Variants in ALK observed in about 807,000 individuals in gnomAD.
ALK encodes ALK tyrosine kinase receptor.
Under a neutral mutation model 163.1 loss-of-function variants are expected in ALK, and 74 were observed. The ratio of observed to expected loss-of-function variants is 0.45; its 90% confidence interval spans 0.38 to 0.55. The LOEUF is 0.55. ALK is among the 20% of genes least tolerant of loss of function. The pLI is 0.00. For synonymous variants in ALK, 960 were observed against 843.2 expected, an observed-to-expected ratio of 1.14 and a Z score of -2.40; for missense variants, 2,063 against 2,105.3, an observed-to-expected ratio of 0.98 and a Z score of 0.39.
At position 29,695,592 on chromosome 2, in the gene ALK, G is replaced by A. The variant is rs552800650; in HGVS notation, c.788-578C>T. Among the ~76,000 whole-genome samples the A allele has an allele frequency of 3.9e-5, 6 of 152,134 alleles. 1 individual carries two copies. In the South Asian group the frequency reaches 1.2e-3, roughly 32 times the overall value. On this transcript the variant is annotated intron_variant, in intron 2 of 28. Transcript: ENST00000389048. Reference sequence around the variant, plus strand: ...TGAACAGGCAACCTACAGAATGGGAGAAAAATTTTGCAATCTATCCACCTG... The same window carrying A: ...TGAACAGGCAACCTACAGAATGGGAAAAAAATTTTGCAATCTATCCACCTG...
At chr2:29,222,476 C>G (rs765255699) in intron 21 of ALK, 41 bp downstream of exon 21, 1 of 1,613,636 alleles carries the variant, frequency 6.2e-7, no homozygotes, top group South Asian at 1.1e-5. Flanking sequence ...CCTACAGAGT[C>G]CGCAAGCCAA....
At chr2:29,879,763 C>T (rs772461017) in intron 1 of ALK, among the ~76,000 whole-genome samples, 1 of 152,202 alleles carries the variant, frequency 6.6e-6, no homozygotes, top group Non-Finnish European at 1.5e-5. Context: ...CTAGGTCATT[C>T]ATCCCAAAAG....
chr2:29,728,669 T>A (rs1478706024), intron 1 of ALK, among the ~76,000 whole-genome samples: 1 of 152,068 alleles, frequency 6.6e-6, no homozygotes, highest in Non-Finnish European at 1.5e-5. Flanking sequence ...TAGAGTTAAC[T>A]AGTTAAAGGG....
intron 4 of ALK, among the ~76,000 whole-genome samples, chr2:29,488,211 A>G (rs1671823863): frequency 6.6e-6 from 1 of 152,158 alleles, no homozygotes; most frequent in Non-Finnish European, 1.5e-5. Context: ...GCATTCTTTT[A>G]GTTTCACAGC....
intron 6 of ALK, among the ~76,000 whole-genome samples, chr2:29,323,563 C>T (rs1157135653): frequency 6.6e-6 from 1 of 152,142 alleles, no homozygotes; most frequent in Non-Finnish European, 1.5e-5. Context: ...GGCCAGTGGA[C>T]AATTGATGTG....
At chr2:29,579,132 G>T (rs956709612) in intron 3 of ALK, among the ~76,000 whole-genome samples, 1 of 152,218 alleles carries the variant, frequency 6.6e-6, no homozygotes, top group Non-Finnish European at 1.5e-5. Flanking sequence ...AATCCACAGG[G>T]CACCAAGTAG....
At chr2:29,706,975 A>ATATG (rs1291124655) in intron 2 of ALK, among the ~76,000 whole-genome samples, 2 of 102,726 alleles carry the variant, frequency 1.9e-5, no homozygotes, top group African/African-American at 3.5e-5. Flanking sequence ...CTCATGCAGA[A>ATATG]TGTGTGTGTG....
intron 1 of ALK, among the ~76,000 whole-genome samples, chr2:29,801,624 C>CT (rs1325891285): frequency 1.3e-5 from 2 of 152,212 alleles, no homozygotes; most frequent in African/African-American, 4.8e-5. Context: ...TTTCACTTAA[C>CT]TTTTTTTCAT....
rs1029117214 is a variant in ALK at position 29,461,886 on chromosome 2, G to GA, written c.1154+70028dup. On this transcript the variant is annotated intron_variant, in intron 4 of 28. Transcript: ENST00000389048. ...GGCAAAGCAAATGGAAACTCTTCTG[G>GA]AAAAAAAAAAGGACCATTCTAGGTG... Among the ~76,000 whole-genome samples the GA allele has an allele frequency of 6.6e-3, 975 of 146,722 alleles. 7 individuals carry two copies. Among genetic ancestry groups the GA allele is most frequent in the African/African-American group, 0.022 (901 of 40,182 alleles).
intron 4 of ALK, among the ~76,000 whole-genome samples, chr2:29,386,143 C>T (rs903357069): frequency 9.2e-5 from 14 of 152,192 alleles, no homozygotes; most frequent in Non-Finnish European, 1.5e-4. Flanking sequence ...CTCTGGCATG[C>T]GGTGGGTGTC....
chr2:29,270,345 G>A (rs753588999), intron 11 of ALK, among the ~76,000 whole-genome samples: 1 of 152,136 alleles, frequency 6.6e-6, no homozygotes, highest in Non-Finnish European at 1.5e-5. Context: ...CTGTTAAAGG[G>A]GGATACTATG....
intron 5 of ALK, among the ~76,000 whole-genome samples, chr2:29,356,100 A>C (rs1382719221): frequency 6.6e-6 from 1 of 152,140 alleles, no homozygotes; most frequent in Non-Finnish European, 1.5e-5. Context: ...AGGAGCCTGC[A>C]TGGGAGCATG....
At chr2:29,757,399 G>A (rs766940692) in intron 1 of ALK, among the ~76,000 whole-genome samples, 7 of 152,134 alleles carry the variant, frequency 4.6e-5, no homozygotes, top group Non-Finnish European at 1.0e-4. Context: ...TATGAGTGGC[G>A]GAGCTGAGAT....
intron 1 of ALK, among the ~76,000 whole-genome samples, chr2:29,915,237 C>T (rs1330109073): frequency 1.3e-5 from 2 of 152,124 alleles, no homozygotes; most frequent in African/African-American, 4.8e-5. Context: ...TTTCAGCAGA[C>T]CAACTTCCTT....
chr2:29,651,428 G>A (rs1373954809), intron 3 of ALK, among the ~76,000 whole-genome samples: 1 of 152,160 alleles, frequency 6.6e-6, no homozygotes, highest in East Asian at 1.9e-4. Flanking sequence ...CAAGGTCAAT[G>A]TCTTCTGCGT....
intron 3 of ALK, among the ~76,000 whole-genome samples, chr2:29,553,383 A>C (rs1673765358): frequency 6.6e-6 from 1 of 152,220 alleles, no homozygotes; most frequent in South Asian, 2.1e-4. Flanking sequence ...GAACTGCGAG[A>C]AATAAAATTT....
chr2:29,597,089 C>G (rs1675237497), intron 3 of ALK, among the ~76,000 whole-genome samples: 1 of 152,214 alleles, frequency 6.6e-6, no homozygotes, highest in Non-Finnish European at 1.5e-5. Context: ...AAAAATAGCA[C>G]TCCCTCAGAG....
intron 4 of ALK, among the ~76,000 whole-genome samples, chr2:29,528,223 G>C (rs77047450): frequency 0.013 from 2,051 of 152,304 alleles, 60 homozygotes; most frequent in African/African-American, 0.047. Context: ...GTGGGAAAAA[G>C]TCATGTGCTT....
At chr2:29,746,264 T>TA (rs913646779) in intron 1 of ALK, among the ~76,000 whole-genome samples, 1 of 152,084 alleles carries the variant, frequency 6.6e-6, no homozygotes, top group Non-Finnish European at 1.5e-5. Context: ...AAGTTTTGAT[T>TA]AAAAAAAATT....
Sources: gnomAD v4.1 joint callset for allele counts (sites outside exome capture counted in the v4.1 genomes callset) on GRCh38, gnomAD v4.1.1 for gene constraint, MANE v1.5 for transcripts, NCBI Gene and HGNC (gene_info 2026-07-23, HGNC 2026-07-21) for gene names.